Variants in CLASP1 observed in about 807,000 individuals in gnomAD.
CLASP1 encodes the protein CLIP-associating protein 1.
A neutral mutation model predicts 192.3 loss-of-function variants in CLASP1; 38 were observed. That is an observed-to-expected ratio of 0.20 (90% CI 0.15 to 0.26). The LOEUF (loss-of-function observed/expected upper bound fraction) is 0.26. CLASP1 is among the 10% of genes least tolerant of loss of function. The pLI, the probability that CLASP1 is intolerant of heterozygous loss-of-function variation, is 1.00. For synonymous variants in CLASP1, 691 were observed against 712.8 expected (o/e 0.97, Z 0.49); for missense variants, 1,433 against 1,932.5 (o/e 0.74, Z 4.85).
In CLASP1 at chr2:121,513,894, A is replaced by G. The variant is rs1261072393; in HGVS notation, c.644+1771T>C. Among the ~76,000 whole-genome samples the G allele has an allele frequency of 2.0e-5, 3 of 152,206 alleles. No individual in the cohort carries two copies. The South Asian group carries it at 6.2e-4, about 31-fold the overall frequency. On this transcript the variant is annotated intron_variant, in intron 7 of 39. Coordinates refer to ENST00000263710, the Ensembl canonical transcript of CLASP1. ...AAACACCCTCTGCCTGGCACTTAAC[A>G]AAATGCCAGACTCTCAGAAGGAAAG... is the stretch of plus-strand genomic sequence containing the variant.
Position 121,605,835 on chromosome 2 carries a change from A to G in CLASP1, c.61T>C (p.Leu21=). ...TCTATCAGTTCTTGGCCAACCTGCA[A>G]TCGTTTCCCCACATCCTTCTGCAAC... Residue 21 remains leucine, a synonymous_variant, in exon 2 of 40, where the codon TTG becomes CTG. Transcript: ENST00000263710. The G allele has an allele frequency of 1.9e-6, 3 of 1,613,994 alleles. No individual in the cohort carries two copies. The South Asian group carries it at 3.3e-5, about 18-fold the overall frequency.
At chr2:121,627,861 G>A (rs927043105) in intron 1 of CLASP1, among the ~76,000 whole-genome samples, 4 of 152,140 alleles carry the variant, frequency 2.6e-5, no homozygotes, top group African/African-American at 4.8e-5. Flanking sequence ...ACTTGTCAGC[G>A]AAAAATAATG....
At chr2:121,541,931 G>T (rs1575819737) in intron 2 of CLASP1, among the ~76,000 whole-genome samples, 1 of 152,160 alleles carries the variant, frequency 6.6e-6, no homozygotes, top group Non-Finnish European at 1.5e-5. Context: ...ACTGAGTTAA[G>T]GGGCAAACAA....
chr2:121,412,015 T>C (rs560752281), intron 23 of CLASP1, among the ~76,000 whole-genome samples: 1 of 152,332 alleles, frequency 6.6e-6, no homozygotes, highest in South Asian at 2.1e-4. Flanking sequence ...TGGAAGCATC[T>C]AGAATAAAAG....
At chr2:121,430,592 A>G (rs938297956) in intron 19 of CLASP1, among the ~76,000 whole-genome samples, 3 of 152,240 alleles carry the variant, frequency 2.0e-5, no homozygotes, top group Admixed American at 2.0e-4. Context: ...GTCACTGTAA[A>G]AAACAAACTA....
intron 2 of CLASP1, among the ~76,000 whole-genome samples, chr2:121,565,664 T>C (rs1232898321): frequency 3.3e-5 from 5 of 152,256 alleles, no homozygotes; most frequent in Admixed American, 1.3e-4. Flanking sequence ...TGATGCCCCA[T>C]ACTGTGAGCC....
At chr2:121,342,252 G>T (rs1419992999) in intron 39 of CLASP1, among the ~76,000 whole-genome samples, 3 of 151,930 alleles carry the variant, frequency 2.0e-5, no homozygotes, top group Non-Finnish European at 2.9e-5. Context: ...TTCCTGACTA[G>T]CTGGGACCAG....
chr2:121,364,898 C>T, intron 36 of CLASP1, 196 bp downstream of exon 37: 1 of 611,978 alleles, frequency 1.6e-6, no homozygotes, highest in Non-Finnish European at 2.9e-6. Flanking sequence ...GTAAGCCAAG[C>T]AGCAGCTTGT....
At chr2:121,389,103 T>C (rs562850509) in intron 30 of CLASP1, among the ~76,000 whole-genome samples, 17 of 152,282 alleles carry the variant, frequency 1.1e-4, no homozygotes, top group Non-Finnish European at 1.6e-4. Context: ...TAACCAAAAA[T>C]AAGAATTATG....
intron 8 of CLASP1, among the ~76,000 whole-genome samples, chr2:121,491,758 T>C (rs971939393): frequency 6.6e-6 from 1 of 152,222 alleles, no homozygotes; most frequent in Non-Finnish European, 1.5e-5. Flanking sequence ...CATACAAAGA[T>C]GAAGTATTCT....
At chr2:121,400,765 C>A (rs1037687530) in intron 28 of CLASP1, among the ~76,000 whole-genome samples, 1 of 152,130 alleles carries the variant, frequency 6.6e-6, no homozygotes, top group South Asian at 2.1e-4. Flanking sequence ...AAAGTCATTG[C>A]CCTGATAATT....
intron 19 of CLASP1, among the ~76,000 whole-genome samples, chr2:121,441,578 T>C (rs968958846): frequency 6.6e-6 from 1 of 151,804 alleles, no homozygotes; most frequent in Non-Finnish European, 1.5e-5. Flanking sequence ...AATTGAAAAA[T>C]TAGCCAGGCA....
intron 34 of CLASP1, among the ~76,000 whole-genome samples, chr2:121,375,492 T>G (rs555461970): frequency 1.3e-5 from 2 of 151,510 alleles, no homozygotes; most frequent in Non-Finnish European, 2.9e-5. Flanking sequence ...GCCTCCTGAG[T>G]AGCTGGGACT....
In CLASP1 at chr2:121,530,989, T is replaced by C. The variant is rs1384319470; in HGVS notation, c.196-664A>G. 1.3e-5 allele frequency: 9 copies of C among 700,286 alleles called. No homozygotes were observed. The allele number at this position is 700,286 out of a possible 1,614,324, so 43.4% of individuals were successfully genotyped here. A position where few individuals can be genotyped will look rare whatever the true frequency, so the allele number is the denominator to read the frequency against. ...ATCAACTAGAGCTTTTGCTTTATTT[T>C]GGTGCAATTTTTGGAAAAATGAAAA... On this transcript the variant is annotated intron_variant, in intron 2 of 39. Coordinates refer to ENST00000263710, the Ensembl canonical transcript of CLASP1.
intron 39 of CLASP1, among the ~76,000 whole-genome samples, chr2:121,341,510 CAT>C (rs1422889689): frequency 6.6e-6 from 1 of 152,152 alleles, no homozygotes; most frequent in African/African-American, 2.4e-5. Context: ...AATGGATAAA[CAT>C]GTGATCCAAT....
At chr2:121,446,440 T>G (rs1461520460) in intron 19 of CLASP1, among the ~76,000 whole-genome samples, 1 of 152,170 alleles carries the variant, frequency 6.6e-6, no homozygotes, top group Non-Finnish European at 1.5e-5. Context: ...GTTCAAAACA[T>G]TTTCAGAACA....
intron 14 of CLASP1, among the ~76,000 whole-genome samples, chr2:121,453,156 G>T (rs559425666): frequency 1.3e-5 from 2 of 152,284 alleles, no homozygotes; most frequent in Admixed American, 1.3e-4. Context: ...AGTTGGGCAT[G>T]GTGGCATGCA....
chr2:121,435,677 C>T (rs2082177724), intron 19 of CLASP1, among the ~76,000 whole-genome samples: 1 of 152,170 alleles, frequency 6.6e-6, no homozygotes, highest in Non-Finnish European at 1.5e-5. Context: ...AGATGCTTTA[C>T]TATCTTTAAA....
chr2:121,554,282 C>CATAG (rs758799570), intron 2 of CLASP1, among the ~76,000 whole-genome samples: 35 of 151,878 alleles, frequency 2.3e-4, no homozygotes, highest in Admixed American at 7.9e-4. Flanking sequence ...CATGCTATGA[C>CATAG]ATAGATGAAG....
Sources: gnomAD v4.1 joint callset for allele counts (sites outside exome capture counted in the v4.1 genomes callset) on GRCh38, gnomAD v4.1.1 for gene constraint, MANE v1.5 for transcripts, NCBI Gene and HGNC (gene_info 2026-07-23, HGNC 2026-07-21) for gene names.